Variants in TMEM117 observed in about 807,000 individuals in gnomAD.
TMEM117 encodes the protein transmembrane protein 117.
Under a neutral mutation model 52.4 loss-of-function variants are expected in TMEM117, and 27 were observed. The ratio of observed to expected loss-of-function variants is 0.51; its 90% CI spans 0.38 to 0.71. The LOEUF is 0.71. Ranked by LOEUF, TMEM117 falls within the 30% of genes least tolerant of loss-of-function variation. The probability of loss-of-function intolerance (pLI) is 0.00; values close to 1 mark genes in which losing one functional copy is unlikely to be tolerated. For missense variants in TMEM117, 556 were observed against 630.5 expected (o/e 0.88, Z 1.26); for synonymous variants, 215 against 206.3 (o/e 1.04, Z -0.36).
intron 3 of TMEM117, among the ~76,000 whole-genome samples, chr12:44,086,182 G>A (rs1947561936): frequency 6.6e-6 from 1 of 151,134 alleles, no homozygotes; most frequent in African/African-American, 2.4e-5. Context: ...AAAATGCTTT[G>A]GCTTGGAGTA....
intron 5 of TMEM117, among the ~76,000 whole-genome samples, chr12:44,265,949 G>A (rs1197584148): frequency 1.3e-5 from 2 of 152,076 alleles, no homozygotes; most frequent in Non-Finnish European, 2.9e-5. Context: ...TTATTCACAA[G>A]TAATATTCCA....
At chr12:44,258,566 C>A (rs1370655522) in intron 5 of TMEM117, among the ~76,000 whole-genome samples, 4 of 151,990 alleles carry the variant, frequency 2.6e-5, no homozygotes, top group Non-Finnish European at 5.9e-5. Flanking sequence ...GAAAAATCAA[C>A]CTTGTTAAAT....
intron 7 of TMEM117, among the ~76,000 whole-genome samples, chr12:44,383,565 A>C (rs1952049102): frequency 6.6e-6 from 1 of 152,310 alleles, no homozygotes; most frequent in East Asian, 1.9e-4. Flanking sequence ...CAACAAGGAG[A>C]TTAATAGAAA....
At chr12:44,104,525 AC>A (rs1947919375) in intron 3 of TMEM117, among the ~76,000 whole-genome samples, 1 of 149,182 alleles carries the variant, frequency 6.7e-6, no homozygotes, top group Non-Finnish European at 1.5e-5. Context: ...AGGTCCTGTG[AC>A]TGGTATTATT....
intron 3 of TMEM117, among the ~76,000 whole-genome samples, chr12:44,046,619 G>A (rs1363148074): frequency 6.6e-6 from 1 of 152,166 alleles, no homozygotes; most frequent in Admixed American, 6.5e-5. Flanking sequence ...AGGGAATACA[G>A]AATGGGTAGT....
At chr12:44,149,323 G>A (rs1189414474) in intron 4 of TMEM117, among the ~76,000 whole-genome samples, 1 of 152,152 alleles carries the variant, frequency 6.6e-6, no homozygotes, top group Non-Finnish European at 1.5e-5. Context: ...TCAGTGGACA[G>A]AGAGAATTAA....
chr12:44,203,484 T>G (rs1157008495), intron 4 of TMEM117, among the ~76,000 whole-genome samples: 34 of 152,130 alleles, frequency 2.2e-4, no homozygotes, highest in African/African-American at 8.2e-4. Context: ...GTTACTCATT[T>G]CTCCTGCTAG....
intron 6 of TMEM117, among the ~76,000 whole-genome samples, chr12:44,321,735 G>C (rs1334788935): frequency 6.6e-6 from 1 of 152,104 alleles, no homozygotes; most frequent in East Asian, 1.9e-4. Context: ...CATAAATCTT[G>C]AGCTCAGTCA....
At chr12:44,287,991 A>G (rs766098316) in intron 5 of TMEM117, among the ~76,000 whole-genome samples, 72 of 152,146 alleles carry the variant, frequency 4.7e-4, no homozygotes, top group Non-Finnish European at 9.6e-4. Context: ...GTAATTTGCT[A>G]TTATTACTAT....
intron 3 of TMEM117, among the ~76,000 whole-genome samples, chr12:44,025,029 A>G (rs952761874): frequency 1.3e-5 from 2 of 152,192 alleles, no homozygotes; most frequent in Admixed American, 1.3e-4. Context: ...CACCACATAC[A>G]TAATAGGACT....
intron 3 of TMEM117, among the ~76,000 whole-genome samples, chr12:44,030,459 C>A (rs183952926): frequency 6.6e-6 from 1 of 152,168 alleles, no homozygotes; most frequent in South Asian, 2.1e-4. Context: ...GCTTACTAAC[C>A]AGGATTTTCA....
intron 3 of TMEM117, among the ~76,000 whole-genome samples, chr12:44,001,261 T>C (rs772294915): frequency 6.6e-6 from 1 of 152,094 alleles, no homozygotes; most frequent in Non-Finnish European, 1.5e-5. Context: ...ATTCAGAGAG[T>C]GTATATAGAT....
In TMEM117 at chr12:44,235,209, T is replaced by C. The variant is rs186853606; in HGVS notation, c.608+23822T>C. ...CTCTCTCTAGATATATTTTTTTGAC[T>C]TTAAAGTCTGTTTTGTCTGATATTA... On this transcript the variant is annotated intron_variant, in intron 5 of 7. Coordinates refer to ENST00000266534, the MANE Select transcript of TMEM117 (RefSeq NM_032256.3). Among the ~76,000 whole-genome samples, 1,241 of 151,804 alleles carry C rather than the reference T, an allele frequency of 8.2e-3. 12 individuals carry two copies. The highest frequency in any genetic ancestry group is 0.028 in the African/African-American group (1,182 of 41,546).
chr12:44,117,671 T>C (rs1948168081), intron 3 of TMEM117, among the ~76,000 whole-genome samples: 1 of 152,146 alleles, frequency 6.6e-6, no homozygotes, highest in African/African-American at 2.4e-5. Context: ...AAAGTAATTC[T>C]AGAACAACCT....
intron 3 of TMEM117, among the ~76,000 whole-genome samples, chr12:44,037,009 G>A (rs906077108): frequency 2.6e-5 from 4 of 152,140 alleles, no homozygotes; most frequent in Admixed American, 6.5e-5. Flanking sequence ...TGGAGTGACC[G>A]CTGCAAACAC....
At chr12:44,219,657 T>C (rs185852540) in intron 5 of TMEM117, among the ~76,000 whole-genome samples, 1 of 152,306 alleles carries the variant, frequency 6.6e-6, no homozygotes, top group African/African-American at 2.4e-5. Flanking sequence ...AATACTATAG[T>C]TGATGTCCTA....
intron 3 of TMEM117, among the ~76,000 whole-genome samples, chr12:44,024,847 T>G (rs1268072889): frequency 3.3e-5 from 5 of 152,178 alleles, no homozygotes; most frequent in African/African-American, 1.2e-4. Flanking sequence ...TCTACATATA[T>G]ATTTGTGTTT....
intron 3 of TMEM117, among the ~76,000 whole-genome samples, chr12:44,103,171 T>C (rs1256441134): frequency 6.6e-6 from 1 of 151,938 alleles, no homozygotes; most frequent in Non-Finnish European, 1.5e-5. Context: ...TCACTTACTT[T>C]ACATTACTTT....
chr12:43,863,635 C>T (rs1361810510), intron 2 of TMEM117, among the ~76,000 whole-genome samples: 1 of 152,176 alleles, frequency 6.6e-6, no homozygotes, highest in Non-Finnish European at 1.5e-5. Flanking sequence ...ATAAACTCTC[C>T]TTTAATTCTT....
Sources: allele counts gnomAD v4.1 joint callset (sites outside exome capture counted in the v4.1 genomes callset), GRCh38; gene constraint gnomAD v4.1.1; transcripts MANE v1.5; gene names NCBI Gene and HGNC (gene_info 2026-07-23, HGNC 2026-07-21).